Variants in SORCS1 observed in about 807,000 individuals in gnomAD.
The protein encoded by SORCS1 is VPS10 domain-containing receptor SorCS1.
A neutral mutation model predicts 146.1 loss-of-function variants in SORCS1; 60 were observed. The observed-to-expected ratio is 0.41, with a 90% CI of 0.33 to 0.51. SORCS1 has a LOEUF of 0.51. SORCS1 is among the 20% of genes least tolerant of loss of function. The pLI is 0.21. For missense variants in SORCS1, 1,352 were observed against 1,487.6 expected (o/e 0.91, Z 1.50); for synonymous variants, 637 against 584.0 (o/e 1.09, Z -1.31).
chr10:106,821,960 G>A lies in SORCS1; in HGVS notation c.726+7614C>T, dbSNP rs535465192. On this transcript the variant is annotated intron_variant, in intron 3 of 25. Transcript: ENST00000263054. ...AAAAAAAAAGTACTTAATGCCACATGAAGTAAAGCAGTAAACCACCTCTGA... is the reference window on the plus strand; with the variant it reads ...AAAAAAAAAGTACTTAATGCCACATAAAGTAAAGCAGTAAACCACCTCTGA... 1.2e-3 allele frequency among the ~76,000 whole-genome samples: 180 copies of A among 151,994 alleles called. 3 individuals carry two copies. Among genetic ancestry groups the A allele is most frequent in the Middle Eastern group, 6.8e-3 (2 of 294 alleles).
intron 24 of SORCS1, among the ~76,000 whole-genome samples, chr10:106,588,630 G>A (rs1200058960): frequency 6.6e-6 from 1 of 151,974 alleles, no homozygotes; most frequent in Non-Finnish European, 1.5e-5. Context: ...GGGAGGCCAA[G>A]GTGGGCAGAT....
At position 107,124,917 on chromosome 10, in the gene SORCS1, C is replaced by G. The variant is rs12354904; in HGVS notation, c.558+39052G>C. ...GCTGAATTCTACCTCACTGCCCACT[C>G]TGCTCAGCTTTCTTTTCTTTCTTTC... On this transcript the variant is annotated intron_variant, in intron 1 of 25. Coordinates refer to ENST00000263054, the MANE Select transcript of SORCS1 (RefSeq NM_052918.5). 6.3e-3 allele frequency among the ~76,000 whole-genome samples: 946 copies of G among 151,100 alleles called. 6 individuals are homozygous for G. Among genetic ancestry groups the G allele is most frequent in the Non-Finnish European group, 0.011 (722 of 67,776 alleles).
chr10:106,577,726 G>T (rs372861358), intron 25 of SORCS1, 171 bp from the exon 26 acceptor site: 5 of 1,330,840 alleles, frequency 3.8e-6, no homozygotes, highest in Admixed American at 6.2e-5. Flanking sequence ...AGAACCAAAC[G>T]ATCCCCAAAA....
chr10:107,140,792 A>C (rs1165415856), intron 1 of SORCS1, among the ~76,000 whole-genome samples: 2 of 152,206 alleles, frequency 1.3e-5, no homozygotes, highest in Non-Finnish European at 2.9e-5. Context: ...AATGCTTTAC[A>C]TGCATGATCT....
intron 3 of SORCS1, among the ~76,000 whole-genome samples, chr10:106,806,941 T>C (rs959152550): frequency 1.3e-5 from 2 of 152,188 alleles, no homozygotes; most frequent in Non-Finnish European, 2.9e-5. Flanking sequence ...GGAGCTAAGA[T>C]TGTGTATTTT....
chr10:106,880,652 T>G (rs1357715918), intron 2 of SORCS1, among the ~76,000 whole-genome samples: 1 of 152,116 alleles, frequency 6.6e-6, no homozygotes, highest in Non-Finnish European at 1.5e-5. Flanking sequence ...ATATGAAGAG[T>G]GTTTGAAACT....
At chr10:106,750,783 GGC>G (rs1858130645) in intron 5 of SORCS1, among the ~76,000 whole-genome samples, 2 of 140,266 alleles carry the variant, frequency 1.4e-5, no homozygotes, top group South Asian at 4.6e-4. Context: ...GAAAAGGCCG[GGC>G]GCTGTGGCTC....
intron 1 of SORCS1, among the ~76,000 whole-genome samples, chr10:107,138,357 T>C (rs1370476622): frequency 6.6e-6 from 1 of 152,206 alleles, no homozygotes; most frequent in Non-Finnish European, 1.5e-5. Context: ...AGATTCGTTG[T>C]TTATTATTCT....
At chr10:106,721,079 A>T (rs1412724158) in intron 6 of SORCS1, among the ~76,000 whole-genome samples, 1 of 152,070 alleles carries the variant, frequency 6.6e-6, no homozygotes, top group Non-Finnish European at 1.5e-5. Flanking sequence ...ACTGCTAGAA[A>T]AAAAAAAAGC....
At chr10:106,869,712 A>G (rs1209181660) in intron 2 of SORCS1, among the ~76,000 whole-genome samples, 2 of 152,198 alleles carry the variant, frequency 1.3e-5, no homozygotes, top group Non-Finnish European at 2.9e-5. Context: ...GGAGCTATAT[A>G]TGAAAAACCC....
chr10:106,887,667 G>T (rs955036636), intron 2 of SORCS1, among the ~76,000 whole-genome samples: 12 of 151,902 alleles, frequency 7.9e-5, no homozygotes, highest in African/African-American at 2.7e-4. Flanking sequence ...ATTATTAGCA[G>T]TAAGACAAAT....
chr10:106,958,730 A>ACCT lies in SORCS1; in HGVS notation c.559-2151_559-2150insAGG, dbSNP rs1373962418. Among the ~76,000 whole-genome samples the ACCT allele has an allele frequency of 2.5e-3, 384 of 152,314 alleles. 2 individuals carry two copies. The highest frequency in any genetic ancestry group is 8.8e-3 in the African/African-American group (366 of 41,574). ...GTGTGAGGTGCGGGGCACCCCATGGACACATCAGATGGCATGCCTGTGGTG... is the reference window on the plus strand; with the variant it reads ...GTGTGAGGTGCGGGGCACCCCATGGACCTCACATCAGATGGCATGCCTGTGGTG... On this transcript the variant is annotated intron_variant, in intron 1 of 25. Transcript: ENST00000263054.
chr10:106,966,800 T>A (rs1245830890), intron 1 of SORCS1, among the ~76,000 whole-genome samples: 1 of 152,212 alleles, frequency 6.6e-6, no homozygotes, highest in African/African-American at 2.4e-5. Flanking sequence ...TGCCAGGAGC[T>A]GCCATGTGAG....
At chr10:107,071,307 A>C (rs867042062) in intron 1 of SORCS1, among the ~76,000 whole-genome samples, 3 of 152,126 alleles carry the variant, frequency 2.0e-5, no homozygotes, top group Non-Finnish European at 2.9e-5. Context: ...TATCTCCTTT[A>C]CTACCGTAAC....
At chr10:106,732,669 T>A (rs1856679381) in intron 5 of SORCS1, among the ~76,000 whole-genome samples, 1 of 152,194 alleles carries the variant, frequency 6.6e-6, no homozygotes, top group South Asian at 2.1e-4. Flanking sequence ...ACGGCTAGTG[T>A]CAACGGGAGG....
At chr10:106,603,036 T>A (rs1206564532) in intron 23 of SORCS1, among the ~76,000 whole-genome samples, 1 of 152,162 alleles carries the variant, frequency 6.6e-6, no homozygotes, top group Non-Finnish European at 1.5e-5. Flanking sequence ...TTTTTTCACA[T>A]CTTTTTTGTT....
chr10:106,993,939 C>T (rs12241155), intron 1 of SORCS1, among the ~76,000 whole-genome samples: 27,200 of 151,466 alleles, frequency 0.18, 7,926 homozygotes, highest in African/African-American at 0.61. Flanking sequence ...CCAGGCAATG[C>T]GGCCCATGCC....
At chr10:107,172,898 G>T in the SORCS1 span, among the ~76,000 whole-genome samples, 2 of 152,122 alleles carry the variant, frequency 1.3e-5, no homozygotes, top group Admixed American at 6.5e-5. Context: ...AGAGAACCCT[G>T]CCCGGTAACA....
intron 12 of SORCS1, 51 bp from the exon 13 acceptor site, chr10:106,677,455 C>T (rs776562367): frequency 2.7e-6 from 4 of 1,504,008 alleles, no homozygotes; most frequent in African/African-American, 2.7e-5. Flanking sequence ...CACACATACC[C>T]AGGCTTCAGA....
Sources: gnomAD v4.1 joint callset for allele counts (sites outside exome capture counted in the v4.1 genomes callset) on GRCh38, gnomAD v4.1.1 for gene constraint, MANE v1.5 for transcripts, NCBI Gene and HGNC (gene_info 2026-07-23, HGNC 2026-07-21) for gene names.